CROCC: variants seen among roughly 807,000 people sequenced by gnomAD.
CROCC encodes the protein ciliary rootlet coiled-coil, rootletin, also known as rootletin.
In CROCC, 180 loss-of-function variants were observed where a neutral mutation model predicts 245.2. That is an observed-to-expected ratio of 0.73 (90% CI 0.65 to 0.83). The LOEUF (loss-of-function observed/expected upper bound fraction) is 0.83. Among genes scored for constraint, CROCC ranks in the 40% least tolerant of loss-of-function variants. The pLI is 0.00. For missense variants in CROCC, 2,688 were observed against 2,779.4 expected, an observed-to-expected ratio of 0.97 and a Z score of 0.74; for synonymous variants, 1,205 against 1,241.6, an observed-to-expected ratio of 0.97 and a Z score of 0.62.
chr1:16,972,401 GAGCTC>G lies in CROCC; in HGVS notation c.6013_6017del (p.Ser2005ThrfsTer85), dbSNP rs1475463093. ...GCCAGCTGCAGCAGGAGCTTCGAAG[GAGCTC>G]AGCACCCTTCTCCCCACCCTCCGGC... is the stretch of plus-strand genomic sequence containing the variant. On this transcript the variant is annotated frameshift_variant, in exon 37 of 37. Coordinates refer to ENST00000375541, the MANE Select transcript of CROCC (RefSeq NM_014675.5). LOFTEE classifies it high-confidence loss of function. 30 of 1,613,798 alleles carry G rather than the reference GAGCTC, an allele frequency of 1.9e-5. No individual in the cohort carries two copies. Among genetic ancestry groups the G allele is most frequent in the Non-Finnish European group, 2.4e-5 (28 of 1,179,922 alleles).
At chr1:16,936,065 T>A (rs1462536891) in intron 8 of CROCC, among the ~76,000 whole-genome samples, 3 of 152,244 alleles carry the variant, frequency 2.0e-5, no homozygotes, top group African/African-American at 7.2e-5. Flanking sequence ...GTATCCCTTT[T>A]TTTTTCCCCA....
At chr1:16,934,025 C>G (rs1237794699) in intron 8 of CROCC, among the ~76,000 whole-genome samples, 1 of 152,238 alleles carries the variant, frequency 6.6e-6, no homozygotes, top group Non-Finnish European at 1.5e-5. Flanking sequence ...GGATCTAAAG[C>G]TAGGTCAGAT....
intron 10 of CROCC, among the ~76,000 whole-genome samples, chr1:16,938,110 C>G (rs2075832652): frequency 6.6e-6 from 1 of 152,400 alleles, no homozygotes; most frequent in South Asian, 2.1e-4. Context: ...GACACTCACT[C>G]CCCCAGGGTA....
At chr1:16,930,924 C>T (rs1431878202) in intron 7 of CROCC, among the ~76,000 whole-genome samples, 51 of 152,376 alleles carry the variant, frequency 3.3e-4, no homozygotes, top group African/African-American at 1.1e-3. Flanking sequence ...CCACTGCACT[C>T]CATCCTGGGC....
At position 16,972,809 on chromosome 1, in the gene CROCC, GGC is replaced by G. The variant is rs2076545741; in HGVS notation, c.*364_*365del. The G allele has an allele frequency of 5.7e-6, 1 of 176,546 alleles. No individual in the cohort carries two copies. Among genetic ancestry groups the G allele is most frequent in the Non-Finnish European group, 1.2e-5 (1 of 84,682 alleles). The allele number at this position is 176,546 out of a possible 1,614,324, so 10.9% of individuals were successfully genotyped here. ...GCCCAGGGCAGGGGTCAGAGGCCCAGGCCCTGACTTCGGCTTCCCAGAGATCT... is the reference window on the plus strand; with the variant it reads ...GCCCAGGGCAGGGGTCAGAGGCCCAGCCTGACTTCGGCTTCCCAGAGATCT... On this transcript the variant is annotated 3_prime_UTR_variant, in exon 37 of 37. Coordinates refer to ENST00000375541, the MANE Select transcript of CROCC (RefSeq NM_014675.5).
At chr1:16,970,876 C>T (rs570171315) in intron 35 of CROCC, 109 bp downstream of exon 35, 30 of 1,329,888 alleles carry the variant, frequency 2.3e-5, no homozygotes, top group Middle Eastern at 5.5e-4. Context: ...CCCCCTCCCC[C>T]AGGAGCCCTG....
At chr1:16,950,295 C>G (rs1388481271) in intron 19 of CROCC, among the ~76,000 whole-genome samples, 2 of 151,358 alleles carry the variant, frequency 1.3e-5, no homozygotes, top group Admixed American at 6.6e-5. Flanking sequence ...AACTCCTGAC[C>G]TAAGGTGACC....
At chr1:16,928,780 G>A (rs2075595019) in intron 3 of CROCC, among the ~76,000 whole-genome samples, 1 of 151,790 alleles carries the variant, frequency 6.6e-6, no homozygotes, top group African/African-American at 2.4e-5. Context: ...TCCAGCCCAG[G>A]AGACAGTGCA....
rs775938966 is a variant in CROCC, at chr1:16,948,182, T to C, written c.2515-149T>C. 4.5e-5 allele frequency: 62 copies of C among 1,388,236 alleles called. No homozygotes were observed. In the African/African-American group the frequency reaches 7.7e-4, roughly 17 times the overall value. The allele number at this position is 1,388,236 out of a possible 1,614,324, so 86.0% of individuals were successfully genotyped here. A position where few individuals can be genotyped will look rare whatever the true frequency, so the allele number is the denominator to read the frequency against. Reference sequence around the variant, plus strand: ...TGCAGATCTAGAGAAGGTCATGACTTGCCCAAGTACATGTAGCACATCAGG... The same window carrying C: ...TGCAGATCTAGAGAAGGTCATGACTCGCCCAAGTACATGTAGCACATCAGG... On this transcript the variant is annotated intron_variant, in intron 17 of 36. Coordinates refer to ENST00000375541, the MANE Select transcript of CROCC (RefSeq NM_014675.5).
intron 30 of CROCC, 58 bp from the exon 31 acceptor site, chr1:16,968,145 T>TGC (rs1400201625): frequency 4.0e-6 from 6 of 1,508,618 alleles, no homozygotes; most frequent in Non-Finnish European, 5.4e-6. Context: ...CCAGGGCGTG[T>TGC]GCGGGAGGGC....
In CROCC at chr1:16,952,210, T is replaced by G. The variant is rs566674750; in HGVS notation, c.3006+1088T>G. Reference sequence around the variant, plus strand: ...CTTAAAGAAGGGGCGGTTTGGCCGGTCGTGCTGACTCATGCCTGTAATCCA... The same window carrying G: ...CTTAAAGAAGGGGCGGTTTGGCCGGGCGTGCTGACTCATGCCTGTAATCCA... On this transcript the variant is annotated intron_variant, in intron 20 of 36. Coordinates refer to ENST00000375541, the MANE Select transcript of CROCC (RefSeq NM_014675.5). Among the ~76,000 whole-genome samples the G allele has an allele frequency of 1.5e-3, 208 of 138,520 alleles. No individual in the cohort carries two copies. In the East Asian group the frequency reaches 0.03, roughly 20 times the overall value. 90.9% of individuals were successfully genotyped at this position (138,520 alleles called of 152,430 possible).
At chr1:16,950,905 G>C (rs1380066367) in intron 19 of CROCC, 48 bp from the exon 20 acceptor site, 6 of 1,454,330 alleles carry the variant, frequency 4.1e-6, no homozygotes, top group Non-Finnish European at 5.5e-6. Flanking sequence ...CTGGCCCAAG[G>C]AAAAGTTTCA....
chr1:16,957,866 C>T (rs992790149), intron 25 of CROCC, among the ~76,000 whole-genome samples: 2 of 152,242 alleles, frequency 1.3e-5, no homozygotes, highest in Admixed American at 1.3e-4. Context: ...TTCACCCAGG[C>T]CCCTTCCTGA....
At chr1:16,923,954 A>G (rs1250817100) in intron 2 of CROCC, among the ~76,000 whole-genome samples, 1 of 152,272 alleles carries the variant, frequency 6.6e-6, no homozygotes, top group Non-Finnish European at 1.5e-5. Context: ...TGCTGGGATT[A>G]CAGGCGTGAG....
chr1:16,960,921 C>G lies in CROCC; in HGVS notation c.4196C>G (p.Ala1399Gly), dbSNP rs1028726363. Reference protein sequence around the residue: ...LKLEAARAEAAELGLRLSAAE... With the variant: ...LKLEAARAEAGELGLRLSAAE... ...CTGGAGGCGGCGCGGGCCGAGGCTG[C>G]AGAGCTGGGCCTGCGGCTGAGCGCA... Residue 1399 changes from alanine (A) to glycine (G), a missense_variant, in exon 27 of 37, where the codon GCA (alanine) becomes GGA (glycine). Physicochemically the swap from Ala to Gly is moderately conservative, Grantham distance 60. Transcript: ENST00000375541. 1 of 1,483,034 alleles carries G rather than the reference C, an allele frequency of 6.7e-7. No homozygotes were observed. The highest frequency in any genetic ancestry group is 8.9e-7 in the Non-Finnish European group (1 of 1,124,290). The allele number at this position is 1,483,034 out of a possible 1,614,324, so 91.9% of individuals were successfully genotyped here.
At chr1:16,916,069 G>A (rs1180860954) in intron 1 of CROCC, among the ~76,000 whole-genome samples, 12 of 152,216 alleles carry the variant, frequency 7.9e-5, no homozygotes, top group African/African-American at 1.7e-4. Flanking sequence ...CCAGCTACTC[G>A]GGAGGCTGAG....
chr1:16,923,731 A>G (rs1458322640), intron 2 of CROCC, among the ~76,000 whole-genome samples: 1 of 123,124 alleles, frequency 8.1e-6, no homozygotes, highest in African/African-American at 3.2e-5. Context: ...CCCAGGCTGG[A>G]GTGCAGTGGC....
rs771731225 is a variant in CROCC, at chr1:16,939,081, C to T, written c.1547C>T (p.Ser516Leu). Residue 516 changes from serine (S) to leucine (L), a missense_variant, in exon 12 of 37, where the codon TCA (serine) becomes TTA (leucine). Transcript: ENST00000375541. ...SPRRGPSPAC[S>L]DSSTLALIHS... ...CGCCGAGGCCCCTCCCCGGCCTGCT[C>T]AGACTCCTCCACGCTCGCCCTGATC... 2.5e-6 allele frequency: 4 copies of T among 1,583,130 alleles called. No homozygotes were observed. In the South Asian group the frequency reaches 3.5e-5, roughly 14 times the overall value.
Position 16,924,362 on chromosome 1 carries a change from G to A in CROCC, c.234G>A (p.Ser78=), listed in dbSNP as rs147907029. 1.9e-4 allele frequency: 306 copies of A among 1,613,046 alleles called. No individual in the cohort carries two copies. In the East Asian group the frequency reaches 4.7e-3, roughly 25 times the overall value. The part of the protein sequence containing the change: ...LPATEMASLL[S]LQEENQLLQQ... The stretch of plus-strand genomic sequence containing the variant: ...CCACAGAGATGGCATCGCTGCTGTC[G>A]CTGCAGGAGGAGAACCAGCTGCTGC... Residue 78 remains serine (S), a synonymous_variant, in exon 3 of 37, where the codon TCG becomes TCA. Coordinates refer to ENST00000375541, the MANE Select transcript of CROCC (RefSeq NM_014675.5).
Sources: allele counts gnomAD v4.1 joint callset (sites outside exome capture counted in the v4.1 genomes callset), GRCh38; gene constraint gnomAD v4.1.1; transcripts MANE v1.5; gene names NCBI Gene and HGNC (gene_info 2026-07-23, HGNC 2026-07-21).